Variants in CREB5 observed in about 807,000 individuals in gnomAD.
CREB5 encodes the protein cAMP responsive element binding protein 5, also known as cyclic AMP-responsive element-binding protein 5.
In CREB5, 19 loss-of-function variants were observed where a neutral mutation model predicts 57.1. That is an observed-to-expected ratio of 0.33 (90% CI 0.23 to 0.49). The LOEUF is 0.49. Ranked by LOEUF, CREB5 falls within the 20% of genes least tolerant of loss-of-function variation. The pLI is 0.99. For missense variants in CREB5, 579 were observed against 671.6 expected, an observed-to-expected ratio of 0.86 and a Z score of 1.52; for synonymous variants, 238 against 238.3, an observed-to-expected ratio of 1.00 and a Z score of 0.01.
At chr7:28,429,271 C>T (rs1174525990) in intron 1 of CREB5, among the ~76,000 whole-genome samples, 1 of 152,154 alleles carries the variant, frequency 6.6e-6, no homozygotes, top group Non-Finnish European at 1.5e-5. Flanking sequence ...GGTGATCTGC[C>T]TGCCTAGGCC....
At chr7:28,401,883 T>C (rs1374852661) in intron 1 of CREB5, among the ~76,000 whole-genome samples, 1 of 152,240 alleles carries the variant, frequency 6.6e-6, no homozygotes, top group East Asian at 1.9e-4. Context: ...CATGTGCTTG[T>C]GTCTTTATAG....
chr7:28,751,366 C>CA (rs1362187205), intron 7 of CREB5, among the ~76,000 whole-genome samples: 2 of 152,198 alleles, frequency 1.3e-5, no homozygotes, highest in Non-Finnish European at 2.9e-5. Context: ...TTGGAATTGG[C>CA]ATGTTGGCCA....
At chr7:28,815,042 T>C (rs1274056001) in intron 9 of CREB5, among the ~76,000 whole-genome samples, 2 of 152,282 alleles carry the variant, frequency 1.3e-5, no homozygotes, top group East Asian at 1.9e-4. Flanking sequence ...AGGCTGAGGC[T>C]GGAGAATCAC....
chr7:28,388,897 T>C (rs528168472), intron 1 of CREB5, among the ~76,000 whole-genome samples: 3 of 152,336 alleles, frequency 2.0e-5, no homozygotes, highest in South Asian at 4.1e-4. Context: ...GGTCATTTGA[T>C]ATATTACAGC....
chr7:28,373,061 T>C (rs1786744991), intron 1 of CREB5, among the ~76,000 whole-genome samples: 1 of 152,166 alleles, frequency 6.6e-6, no homozygotes, highest in Non-Finnish European at 1.5e-5. Context: ...GGGCCTCGGT[T>C]TCCTCACCTG....
intron 4 of CREB5, among the ~76,000 whole-genome samples, chr7:28,564,109 T>A (rs1231075215): frequency 6.6e-6 from 1 of 152,228 alleles, no homozygotes; most frequent in African/African-American, 2.4e-5. Flanking sequence ...CTTGCATATC[T>A]TTTGGATGCA....
chr7:28,386,069 C>T (rs1455819431), intron 1 of CREB5, among the ~76,000 whole-genome samples: 1 of 152,140 alleles, frequency 6.6e-6, no homozygotes, highest in East Asian at 1.9e-4. Flanking sequence ...TTTCACATTC[C>T]CAATTTAGAC....
intron 5 of CREB5, among the ~76,000 whole-genome samples, chr7:28,642,613 A>G (rs1798701384): frequency 6.6e-6 from 1 of 152,184 alleles, no homozygotes; most frequent in Admixed American, 6.5e-5. Flanking sequence ...AGGAATAAAC[A>G]TGCTGCTCGG....
intron 1 of CREB5, among the ~76,000 whole-genome samples, chr7:28,478,681 G>A (rs1330958495): frequency 6.6e-6 from 1 of 152,208 alleles, no homozygotes; most frequent in Non-Finnish European, 1.5e-5. Flanking sequence ...CATTGGAGTA[G>A]GAGATATATT....
At chr7:28,395,395 G>C (rs1422640955) in intron 1 of CREB5, among the ~76,000 whole-genome samples, 4 of 152,166 alleles carry the variant, frequency 2.6e-5, no homozygotes, top group African/African-American at 9.7e-5. Context: ...ATGAATATTT[G>C]TTAGGAACAA....
At chr7:28,337,462 C>CT (rs1309220388) in intron 1 of CREB5, among the ~76,000 whole-genome samples, 13 of 151,998 alleles carry the variant, frequency 8.6e-5, no homozygotes, top group Admixed American at 8.5e-4. Flanking sequence ...TTCTTTGTCT[C>CT]TTTTTTATAG....
chr7:28,790,428 A>AAGAGAG (rs370615013), intron 7 of CREB5, among the ~76,000 whole-genome samples: 2,167 of 115,580 alleles, frequency 0.019, 59 homozygotes, highest in Admixed American at 0.087. Context: ...GAAAGAAAGA[A>AAGAGAG]AGAGAGAGAG....
At chr7:28,360,944 G>A (rs1302915211) in intron 1 of CREB5, among the ~76,000 whole-genome samples, 7 of 152,024 alleles carry the variant, frequency 4.6e-5, no homozygotes, top group African/African-American at 7.2e-5. Flanking sequence ...GACATTTTTA[G>A]TTGTAACCAC....
intron 9 of CREB5, among the ~76,000 whole-genome samples, chr7:28,812,776 C>A (rs1347265366): frequency 6.6e-6 from 1 of 152,156 alleles, no homozygotes; most frequent in African/African-American, 2.4e-5. Context: ...TCTCACTGGA[C>A]CTTTGTCAAA....
At chr7:28,396,220 A>C (rs1024825655) in intron 1 of CREB5, among the ~76,000 whole-genome samples, 2 of 152,208 alleles carry the variant, frequency 1.3e-5, no homozygotes, top group Non-Finnish European at 2.9e-5. Flanking sequence ...GAAGATACAA[A>C]GGCTTAGAGA....
chr7:28,809,519 T>A, intron 9 of CREB5, 105 bp downstream of exon 9: 1 of 1,045,130 alleles, frequency 9.6e-7, no homozygotes, highest in Non-Finnish European at 1.4e-6. Flanking sequence ...ACCACACACT[T>A]AGTCCACAGA....
intron 1 of CREB5, among the ~76,000 whole-genome samples, chr7:28,400,095 G>A (rs538466769): frequency 6.6e-6 from 1 of 151,250 alleles, no homozygotes; most frequent in Non-Finnish European, 1.5e-5. Context: ...ACGTTTTGTG[G>A]GTAGCTTGCT....
At chr7:28,303,078 G>T (rs1583655131) in intron 1 of CREB5, among the ~76,000 whole-genome samples, 2 of 148,928 alleles carry the variant, frequency 1.3e-5, no homozygotes, top group African/African-American at 2.5e-5. Flanking sequence ...GGAGGCAGAG[G>T]TTGCGGTGAG....
Position 28,684,701 on chromosome 7 carries a change from G to A in CREB5, c.465-34052G>A, listed in dbSNP as rs1360560519. ...TCATTGGCCACAAAAGGCATTAGGG[G>A]CAATAGACTGTAGCACAAGCCATGG... On this transcript the variant is annotated intron_variant, in intron 5 of 10. Coordinates refer to ENST00000357727, the MANE Select transcript of CREB5 (RefSeq NM_182898.4). 3.9e-5 allele frequency among the ~76,000 whole-genome samples: 6 copies of A among 152,058 alleles called. No individual in the cohort carries two copies. In the South Asian group the frequency reaches 6.2e-4, roughly 16 times the overall value.
Sources: allele counts gnomAD v4.1 joint callset (sites outside exome capture counted in the v4.1 genomes callset), GRCh38; gene constraint gnomAD v4.1.1; transcripts MANE v1.5; gene names NCBI Gene and HGNC (gene_info 2026-07-23, HGNC 2026-07-21).